CNTN1: variants seen among roughly 807,000 people sequenced by gnomAD.
The protein encoded by CNTN1 is contactin 1.
Under a neutral mutation model 126.4 loss-of-function variants are expected in CNTN1, and 38 were observed. That is an observed-to-expected ratio of 0.30 (90% confidence interval 0.23 to 0.39). The LOEUF (loss-of-function observed/expected upper bound fraction) is 0.39. CNTN1 is among the 10% of genes least tolerant of loss of function. CNTN1 has a pLI of 1.00. For synonymous variants in CNTN1, 413 were observed against 422.6 expected (o/e 0.98, Z 0.28); for missense variants, 1,009 against 1,248.4 (o/e 0.81, Z 2.89).
rs143977388 is a variant in CNTN1, at chr12:40,696,062, G to A, written c.-77+3470G>A. On this transcript the variant is annotated intron_variant, in intron 1 of 23. Coordinates refer to ENST00000551295, the MANE Select transcript of CNTN1 (RefSeq NM_001843.4). ...TAGCACTTACGTGAGAGGATTTTGT[G>A]ATTTGTAAAATATTAAGTGAGATAA... 1.7e-3 allele frequency among the ~76,000 whole-genome samples: 261 copies of A among 152,260 alleles called. 5 individuals carry two copies. In the East Asian group the frequency reaches 0.037, roughly 21 times the overall value.
intron 1 of CNTN1, among the ~76,000 whole-genome samples, chr12:40,730,225 C>T (rs533136635): frequency 1.3e-4 from 20 of 152,320 alleles, no homozygotes; most frequent in African/African-American, 4.8e-4. Flanking sequence ...CTGACTGTTG[C>T]AGGGCATGAG....
chr12:40,973,820 G>A (rs35328876), intron 15 of CNTN1, among the ~76,000 whole-genome samples: 5,075 of 152,188 alleles, frequency 0.033, 109 homozygotes, highest in Middle Eastern at 0.11. Context: ...CAAATGATAC[G>A]TGGGGTGTAG....
intron 3 of CNTN1, among the ~76,000 whole-genome samples, chr12:40,917,062 G>GGGT (rs1555179739): frequency 2.0e-5 from 2 of 102,490 alleles, no homozygotes; most frequent in South Asian, 3.9e-4. Flanking sequence ...TGGTGGGGGC[G>GGGT]GGGGGGGGGG....
At chr12:40,723,418 G>T (rs534995447) in intron 1 of CNTN1, among the ~76,000 whole-genome samples, 1 of 152,298 alleles carries the variant, frequency 6.6e-6, no homozygotes, top group Non-Finnish European at 1.5e-5. Context: ...TGACTCTCAT[G>T]AGACTTCCAG....
At chr12:40,776,186 T>A (rs1163125460) in intron 1 of CNTN1, among the ~76,000 whole-genome samples, 1 of 151,616 alleles carries the variant, frequency 6.6e-6, no homozygotes, top group Non-Finnish European at 1.5e-5. Flanking sequence ...TGTGTTATAC[T>A]AGCCAGTGTA....
chr12:40,794,222 G>A (rs1278175334), intron 1 of CNTN1, among the ~76,000 whole-genome samples: 1 of 152,034 alleles, frequency 6.6e-6, no homozygotes, highest in Admixed American at 6.6e-5. Context: ...TTTTTGTATT[G>A]CTGAAGTGCT....
chr12:40,937,580 G>C lies in CNTN1; in HGVS notation c.1121G>C (p.Gly374Ala), dbSNP rs1946124152. ...WLKNGYAYHK[G>A]ELRLYDVTFE... Reference sequence around the variant, plus strand: ...TTTTATTCTTTTCAGTATCATAAAGGGGAATTAAGACTGTATGATGTGACT... The same window carrying C: ...TTTTATTCTTTTCAGTATCATAAAGCGGAATTAAGACTGTATGATGTGACT... The change falls in exon 11 of 24, where the codon GGG becomes GCG. Residue 374 changes from glycine (G) to alanine (A), a missense_variant. Coordinates refer to ENST00000551295, the MANE Select transcript of CNTN1 (RefSeq NM_001843.4). 6.3e-7 allele frequency: 1 copy of C among 1,588,890 alleles called. No individual in the cohort carries two copies. The highest frequency in any genetic ancestry group is 2.2e-5 in the East Asian group (1 of 44,694).
chr12:40,939,549 C>G, intron 12 of CNTN1, 64 bp downstream of exon 12: 1 of 1,559,818 alleles, frequency 6.4e-7, no homozygotes, highest in South Asian at 1.1e-5. Context: ...TTATAGAAGA[C>G]TTGTTTATAT....
intron 17 of CNTN1, among the ~76,000 whole-genome samples, chr12:41,000,471 ATATAT>A (rs1435007686): frequency 8.5e-5 from 13 of 152,112 alleles, no homozygotes; most frequent in African/African-American, 1.7e-4. Flanking sequence ...AGCTCTTAAT[ATATAT>A]TATATCTAAA....
rs186635908 is a variant in CNTN1, at chr12:40,774,166, G to A, written c.-77+81574G>A. On this transcript the variant is annotated intron_variant, in intron 1 of 23. Transcript: ENST00000551295. ...AACTTGGTTGATATAGGTGGGACGA[G>A]TTGATCAGGGAAGAGAGAAGCTCAA... Among the ~76,000 whole-genome samples the A allele has an allele frequency of 6.2e-4, 94 of 151,752 alleles. 1 individual carries two copies. Among genetic ancestry groups the A allele is most frequent in the African/African-American group, 2.1e-3 (89 of 41,484 alleles).
At chr12:40,984,049 C>T (rs17128977) in intron 16 of CNTN1, among the ~76,000 whole-genome samples, 14,241 of 148,258 alleles carry the variant, frequency 0.096, 891 homozygotes, top group Admixed American at 0.19. Flanking sequence ...AAATATATTA[C>T]GCACAAAAGA....
chr12:40,944,314 C>G, intron 14 of CNTN1, 144 bp downstream of exon 14: 1 of 721,084 alleles, frequency 1.4e-6, no homozygotes, highest in South Asian at 1.7e-5. Flanking sequence ...CTGTGGTTCT[C>G]CTTATATTAA....
At chr12:40,974,635 A>G (rs1156574715) in intron 15 of CNTN1, among the ~76,000 whole-genome samples, 1 of 152,058 alleles carries the variant, frequency 6.6e-6, no homozygotes, top group African/African-American at 2.4e-5. Context: ...TTTTTAGGAT[A>G]GTTGTTGAAA....
chr12:40,916,918 T>C (rs931507302), intron 3 of CNTN1, among the ~76,000 whole-genome samples: 2 of 152,042 alleles, frequency 1.3e-5, no homozygotes, highest in African/African-American at 2.4e-5. Flanking sequence ...AATAGGATGG[T>C]GGTTATGGAA....
intron 1 of CNTN1, among the ~76,000 whole-genome samples, chr12:40,751,409 CA>C (rs1938401505): frequency 6.6e-6 from 1 of 151,956 alleles, no homozygotes; most frequent in Non-Finnish European, 1.5e-5. Flanking sequence ...AACATATAGA[CA>C]AAAATTTCTA....
intron 1 of CNTN1, among the ~76,000 whole-genome samples, chr12:40,857,809 C>G (rs964056060): frequency 6.6e-6 from 1 of 152,108 alleles, no homozygotes; most frequent in Non-Finnish European, 1.5e-5. Flanking sequence ...AGGCCCTAAA[C>G]AGGATTTGGC....
At chr12:40,755,190 CAAAAAAAAAAAAAAAA>C (rs557970110) in intron 1 of CNTN1, among the ~76,000 whole-genome samples, 11 of 78,194 alleles carry the variant, frequency 1.4e-4, no homozygotes, top group African/African-American at 2.2e-4. Flanking sequence ...GACCCCACCT[CAAAAAAAAAAAAAAAA>C]AAAAAAAAAA....
intron 1 of CNTN1, among the ~76,000 whole-genome samples, chr12:40,744,357 A>G (rs1426364428): frequency 1.3e-5 from 2 of 152,050 alleles, no homozygotes; most frequent in Non-Finnish European, 2.9e-5. Flanking sequence ...CATGAAGGGA[A>G]TGAGGGTGGA....
At chr12:40,958,232 A>C (rs1248238052) in intron 14 of CNTN1, among the ~76,000 whole-genome samples, 1 of 151,916 alleles carries the variant, frequency 6.6e-6, no homozygotes, top group Non-Finnish European at 1.5e-5. Flanking sequence ...CTGTTAATCA[A>C]ATGGATATAA....
Sources: gnomAD v4.1 joint callset for allele counts (sites outside exome capture counted in the v4.1 genomes callset) on GRCh38, gnomAD v4.1.1 for gene constraint, MANE v1.5 for transcripts, NCBI Gene and HGNC (gene_info 2026-07-23, HGNC 2026-07-21) for gene names.